Variants in PCDHGA11 observed in about 807,000 individuals in gnomAD.
PCDHGA11 encodes protocadherin gamma subfamily A, 11.
A neutral mutation model predicts 60.4 loss-of-function variants in PCDHGA11; 39 were observed. The ratio of observed to expected loss-of-function variants is 0.65; its 90% CI spans 0.50 to 0.84. PCDHGA11 has a LOEUF of 0.84. Among genes scored for constraint, PCDHGA11 ranks in the 40% least tolerant of loss-of-function variants. The pLI, the probability that PCDHGA11 is intolerant of heterozygous loss-of-function variation, is 0.00. For missense variants in PCDHGA11, 1,165 were observed against 1,197.7 expected (o/e 0.97, Z 0.40); for synonymous variants, 533 against 510.3 (o/e 1.04, Z -0.60).
intron 1 of PCDHGA11, among the ~76,000 whole-genome samples, chr5:141,460,889 G>A (rs901987902): frequency 3.3e-5 from 5 of 150,280 alleles, no homozygotes; most frequent in East Asian, 3.9e-4. Flanking sequence ...ATGCCTTTTC[G>A]TGGCTGAGTA....
intron 2 of PCDHGA11, among the ~76,000 whole-genome samples, chr5:141,500,399 C>T (rs966328306): frequency 1.3e-5 from 2 of 151,806 alleles, no homozygotes; most frequent in South Asian, 2.1e-4. Context: ...TTAGTAGAGA[C>T]GGGGTTTCAC....
At chr5:141,452,017 C>T (rs181614467) in intron 1 of PCDHGA11, among the ~76,000 whole-genome samples, 10 of 152,344 alleles carry the variant, frequency 6.6e-5, no homozygotes, top group Non-Finnish European at 1.2e-4. Flanking sequence ...CCAGCCCACA[C>T]TCTGGGGAGA....
Position 141,486,362 on chromosome 5 carries a change from C to A in PCDHGA11, c.2434-8445C>A. On this transcript the variant is annotated intron_variant, in intron 1 of 3. Coordinates refer to ENST00000398587, the MANE Select transcript of PCDHGA11 (RefSeq NM_018914.3). The surrounding 1 kb of genome is among the most constrained non-coding windows in gnomAD (Gnocchi z 5.0). ...CATTCCTGACCACTTGCCATTTGCC[C>A]TCAAGTCTGCCTTCAGGAACCAGTT... The A allele has an allele frequency of 6.2e-7, 1 of 1,614,132 alleles. No individual in the cohort carries two copies. The highest frequency in any genetic ancestry group is 1.7e-5 in the Admixed American group (1 of 60,024).
chr5:141,478,319 T>A, intron 1 of PCDHGA11: 4 of 1,614,052 alleles, frequency 2.5e-6, no homozygotes, highest in Non-Finnish European at 3.4e-6. Flanking sequence ...GAGCTCACTG[T>A]ACCGAACACC....
Position 141,485,243 on chromosome 5 carries a change from C to A in PCDHGA11, c.2434-9564C>A. ...TACCCTTTTGTTCCTCTTTTACCACCTGGGTTACGTTTGTGGGCAGATCCG... is the reference window on the plus strand; with the variant it reads ...TACCCTTTTGTTCCTCTTTTACCACATGGGTTACGTTTGTGGGCAGATCCG... On this transcript the variant is annotated intron_variant, in intron 1 of 3. Transcript: ENST00000398587. This position sits in a 1 kb window ranked among gnomAD's most constrained non-coding sequence, Gnocchi z 5.7. 1 of 1,614,180 alleles carries A rather than the reference C, an allele frequency of 6.2e-7. No homozygotes were observed. The highest frequency in any genetic ancestry group is 8.5e-7 in the Non-Finnish European group (1 of 1,180,000).
chr5:141,496,277 T>C (rs1484877198), intron 2 of PCDHGA11, among the ~76,000 whole-genome samples: 1 of 152,134 alleles, frequency 6.6e-6, no homozygotes, highest in Non-Finnish European at 1.5e-5. Context: ...AGACCTTCAG[T>C]TGGTCTGAGC....
Position 141,427,760 on chromosome 5 carries a change from T to C in PCDHGA11, c.2433+4100T>C, listed in dbSNP as rs1464459008. On this transcript the variant is annotated intron_variant, in intron 1 of 3. Coordinates refer to ENST00000398587, the MANE Select transcript of PCDHGA11 (RefSeq NM_018914.3). The stretch of plus-strand genomic sequence containing the variant: ...AAGTCTCCTACTCCATCGTTACCAC[T>C]GACTTGGAGCTGCGGGCACTGTCGT... The C allele has an allele frequency of 4.4e-6, 6 of 1,360,822 alleles. No individual in the cohort carries two copies. The Admixed American group carries it at 5.1e-5, about 12-fold the overall frequency. 84.3% of individuals were successfully genotyped at this position (1,360,822 alleles called of 1,614,324 possible).
chr5:141,481,207 C>T (rs1287298617), intron 1 of PCDHGA11, among the ~76,000 whole-genome samples: 3 of 152,154 alleles, frequency 2.0e-5, no homozygotes, highest in Non-Finnish European at 1.5e-5. Flanking sequence ...TTTTAAAAAA[C>T]ATGGTAAGGT....
chr5:141,456,285 G>T (rs2098848223), intron 1 of PCDHGA11, among the ~76,000 whole-genome samples: 1 of 152,134 alleles, frequency 6.6e-6, no homozygotes, highest in Non-Finnish European at 1.5e-5. Flanking sequence ...GCTGAAAAGG[G>T]GCGTCTAATG....
rs201408987 is a variant in PCDHGA11, at chr5:141,476,857, C to T, written c.2434-17950C>T. 12 of 1,613,768 alleles carry T rather than the reference C, an allele frequency of 7.4e-6. No individual in the cohort carries two copies. The highest frequency in any genetic ancestry group is 1.0e-5 in the Non-Finnish European group (12 of 1,180,054). ...ACAATGCGCCTGTCTTCAACCAGTC[C>T]TTGTACCGGGCGCGCGTCCTGGAGG... On this transcript the variant is annotated intron_variant, in intron 1 of 3. Transcript: ENST00000398587. The surrounding 1 kb of genome is among the most constrained non-coding windows in gnomAD (Gnocchi z 7.6).
rs2096701827 is a variant in PCDHGA11 at position 141,423,033 on chromosome 5, C to A, written c.1806C>A (p.Asn602Lys). The change falls in exon 1 of 4, where the codon AAC becomes AAA. Residue 602 changes from asparagine (N) to lysine (K), a missense_variant. Transcript: ENST00000398587. Reference protein sequence around the residue: ...VVAVDKDSGQNAWLSYRLLKA... With the variant: ...VVAVDKDSGQKAWLSYRLLKA... The stretch of plus-strand genomic sequence containing the variant: ...CGGTGGACAAAGATTCAGGCCAGAA[C>A]GCCTGGCTGTCCTATCGCCTGCTTA... 1.2e-6 allele frequency: 2 copies of A among 1,614,102 alleles called. No individual in the cohort carries two copies. Among genetic ancestry groups the A allele is most frequent in the Non-Finnish European group, 1.7e-6 (2 of 1,180,058 alleles).
intron 1 of PCDHGA11, chr5:141,426,294 CAG>C (rs555591649): frequency 1.2e-4 from 20 of 167,070 alleles, no homozygotes; most frequent in African/African-American, 4.5e-4. Context: ...GGATGGGAAA[CAG>C]GGTGAAGCAG....
At chr5:141,433,377 A>ATCTG (rs1300427377) in intron 1 of PCDHGA11, among the ~76,000 whole-genome samples, 1 of 150,958 alleles carries the variant, frequency 6.6e-6, no homozygotes, top group Non-Finnish European at 1.5e-5. Context: ...CTATCTATCT[A>ATCTG]TCTATCTATC....
rs765972156 is a variant in PCDHGA11, at chr5:141,432,960, G to A, written c.2433+9300G>A. 3.1e-6 allele frequency: 5 copies of A among 1,614,070 alleles called. No individual in the cohort carries two copies. The East Asian group carries it at 6.7e-5, about 22-fold the overall frequency. On this transcript the variant is annotated intron_variant, in intron 1 of 3. Transcript: ENST00000398587. This position sits in a 1 kb window ranked among gnomAD's most constrained non-coding sequence, Gnocchi z 6.0. ...CAGGCTTCAGGAGGCGGCTTGACAG[G>A]AGCGCCGGCGTCGCACTTTGTGGGC...
chr5:141,478,774 G>T (rs1019315910), intron 1 of PCDHGA11: 1 of 1,496,268 alleles, frequency 6.7e-7, no homozygotes, highest in African/African-American at 1.4e-5. Flanking sequence ...ACTCATCTGT[G>T]GACCTAATTC....
intron 1 of PCDHGA11, chr5:141,429,208 G>A (rs568951026): frequency 5.4e-4 from 77 of 142,568 alleles, no homozygotes; most frequent in African/African-American, 1.9e-3. Context: ...ACACACACGT[G>A]TGAAAAGTGG....
chr5:141,460,097 G>A (rs2098982102), intron 1 of PCDHGA11, among the ~76,000 whole-genome samples: 2 of 151,812 alleles, frequency 1.3e-5, no homozygotes, highest in African/African-American at 2.4e-5. Context: ...AATTATACAT[G>A]TAATTATATA....
At chr5:141,460,010 G>A (rs376180479) in intron 1 of PCDHGA11, among the ~76,000 whole-genome samples, 1 of 152,126 alleles carries the variant, frequency 6.6e-6, no homozygotes, top group Admixed American at 6.5e-5. Context: ...CCCAGGAGGC[G>A]GAGGTTGCAG....
chr5:141,459,025 A>C (rs2098959135), intron 1 of PCDHGA11, among the ~76,000 whole-genome samples: 1 of 152,336 alleles, frequency 6.6e-6, no homozygotes, highest in Non-Finnish European at 1.5e-5. Flanking sequence ...GAGCCACCAC[A>C]TCCAGCCTTA....
Sources: allele counts gnomAD v4.1 joint callset (sites outside exome capture counted in the v4.1 genomes callset), GRCh38; gene constraint gnomAD v4.1.1; non-coding constraint Gnocchi (gnomAD v3.1); transcripts MANE v1.5; gene names NCBI Gene and HGNC (gene_info 2026-07-23, HGNC 2026-07-21).